Variants in SV2B observed in about 807,000 individuals in gnomAD.
The protein encoded by SV2B is synaptic vesicle glycoprotein 2B.
A neutral mutation model predicts 73.9 loss-of-function variants in SV2B; 41 were observed. The observed-to-expected ratio is 0.56, with a 90% confidence interval of 0.43 to 0.72. The LOEUF (loss-of-function observed/expected upper bound fraction) is 0.72, where lower values mean the gene tolerates loss of function less well. Among genes scored for constraint, SV2B ranks in the 30% least tolerant of loss-of-function variants. The pLI is 0.00. For synonymous variants in SV2B, 314 were observed against 314.2 expected (o/e 1.00, Z 0.01); for missense variants, 764 against 857.8 (o/e 0.89, Z 1.37).
chr15:91,210,505 T>A (rs1161963234), intron 1 of SV2B, among the ~76,000 whole-genome samples: 1 of 152,008 alleles, frequency 6.6e-6, no homozygotes, highest in African/African-American at 2.4e-5. Flanking sequence ...AATTGAGACA[T>A]AAAGAGGTGG....
In SV2B at chr15:91,224,510, T is replaced by C. The variant is rs1302066175; in HGVS notation, c.-391-1363T>C. Among the ~76,000 whole-genome samples, 1 of 152,180 alleles carries C rather than the reference T, an allele frequency of 6.6e-6. No homozygotes were observed. The highest frequency in any genetic ancestry group is 2.4e-5 in the African/African-American group (1 of 41,440). Reference sequence around the variant, plus strand: ...TGTGGGCAAATCTGGATTTCTGAGCTTGAAGCAGCCCTTCTTCATTACGCT... The same window carrying C: ...TGTGGGCAAATCTGGATTTCTGAGCCTGAAGCAGCCCTTCTTCATTACGCT... On this transcript the variant is annotated intron_variant, in intron 1 of 12. Transcript: ENST00000394232. The surrounding 1 kb of genome is among the most constrained non-coding windows in gnomAD (Gnocchi z 4.9).
Position 91,268,429 on chromosome 15 carries a change from T to G in SV2B, c.1209-12T>G. On this transcript the variant is annotated splice_polypyrimidine_tract_variant and intron_variant, in intron 8 of 12. Transcript: ENST00000394232. The surrounding 1 kb of genome is among the most constrained non-coding windows in gnomAD (Gnocchi z 4.4). ...CTGTTGTTGTTGCAACCTTCTGCCT[T>G]CTCCACTCCAGTTACTATGGACTGA... The G allele has an allele frequency of 1.9e-6, 3 of 1,606,672 alleles. No individual in the cohort carries two copies. The highest frequency in any genetic ancestry group is 2.6e-6 in the Non-Finnish European group (3 of 1,174,108).
intron 9 of SV2B, among the ~76,000 whole-genome samples, chr15:91,278,265 A>G (rs2048558781): frequency 6.6e-6 from 1 of 152,064 alleles, no homozygotes; most frequent in Non-Finnish European, 1.5e-5. Flanking sequence ...GATTTTTTTA[A>G]ATGCGGGCTT....
chr15:91,289,422 G>A lies in SV2B; in HGVS notation c.1709-99G>A. ...ACTTCAGGCAGCCTTGGCTTCAGGT[G>A]TACCAGTGAGGGTGGGAGATGGGGC... On this transcript the variant is annotated intron_variant, in intron 11 of 12. Coordinates refer to ENST00000394232, the MANE Select transcript of SV2B (RefSeq NM_001323032.3). The surrounding 1 kb of genome is among the most constrained non-coding windows in gnomAD (Gnocchi z 4.9). 1 of 1,483,652 alleles carries A rather than the reference G, an allele frequency of 6.7e-7. No homozygotes were observed. The highest frequency in any genetic ancestry group is 9.4e-7 in the Non-Finnish European group (1 of 1,065,672). 91.9% of individuals were successfully genotyped at this position (1,483,652 alleles called of 1,614,324 possible).
chr15:91,289,735 A>G lies in SV2B; in HGVS notation c.1868+55A>G, dbSNP rs1190973957. Reference sequence around the variant, plus strand: ...ACTTGTTTGGGCTTCTTTGGCCAGAAGTCTACCTGCTCCCTAAATCTCATG... The same window carrying G: ...ACTTGTTTGGGCTTCTTTGGCCAGAGGTCTACCTGCTCCCTAAATCTCATG... On this transcript the variant is annotated intron_variant, in intron 12 of 12. Coordinates refer to ENST00000394232, the MANE Select transcript of SV2B (RefSeq NM_001323032.3). The surrounding 1 kb of genome is among the most constrained non-coding windows in gnomAD (Gnocchi z 4.9). 1.0e-5 allele frequency: 16 copies of G among 1,566,068 alleles called. No individual in the cohort carries two copies. Among genetic ancestry groups the G allele is most frequent in the Non-Finnish European group, 1.3e-5 (15 of 1,152,238 alleles).
intron 4 of SV2B, among the ~76,000 whole-genome samples, chr15:91,254,825 C>G (rs2047623888): frequency 6.6e-6 from 1 of 152,172 alleles, no homozygotes; most frequent in African/African-American, 2.4e-5. Flanking sequence ...AGCTTCCCTC[C>G]TGGAAGCATT....
rs780360769 is a variant in SV2B, at chr15:91,253,432, T to C, written c.784+912T>C. Among the ~76,000 whole-genome samples, 15 of 152,202 alleles carry C rather than the reference T, an allele frequency of 9.9e-5. No individual in the cohort carries two copies. The highest frequency in any genetic ancestry group is 2.6e-4 in the Admixed American group (4 of 15,286). On this transcript the variant is annotated intron_variant, in intron 4 of 12. Coordinates refer to ENST00000394232, the MANE Select transcript of SV2B (RefSeq NM_001323032.3). This position sits in a 1 kb window ranked among gnomAD's most constrained non-coding sequence, Gnocchi z 5.0. ...GCTTTCTCAGCTAATGGAGGCTGCA[T>C]GTATATGTTTTTAAGAACAAGCTTT...
At chr15:91,221,774 T>C (rs1037821389) in intron 1 of SV2B, among the ~76,000 whole-genome samples, 1 of 152,092 alleles carries the variant, frequency 6.6e-6, no homozygotes, top group Non-Finnish European at 1.5e-5. Context: ...TTAGATTTTT[T>C]ATTAAAAACC....
intron 1 of SV2B, among the ~76,000 whole-genome samples, chr15:91,193,132 A>C (rs2045106872): frequency 6.6e-6 from 1 of 152,162 alleles, no homozygotes. Flanking sequence ...TTCCCGGTTC[A>C]GCTCTTGGAA....
In SV2B at chr15:91,224,283, A is replaced by G. The variant is rs1342790035; in HGVS notation, c.-391-1590A>G. 1.3e-5 allele frequency among the ~76,000 whole-genome samples: 2 copies of G among 152,158 alleles called. No individual in the cohort carries two copies. The highest frequency in any genetic ancestry group is 2.9e-5 in the Non-Finnish European group (2 of 68,022). ...GTGACAGGGAGGCCTGTAAAGGTTG[A>G]TGGGGTCTGTACTGTGGGCAGGTGG... On this transcript the variant is annotated intron_variant, in intron 1 of 12. Coordinates refer to ENST00000394232, the MANE Select transcript of SV2B (RefSeq NM_001323032.3). The surrounding 1 kb of genome is among the most constrained non-coding windows in gnomAD (Gnocchi z 4.9).
At chr15:91,216,283 G>A (rs2046022659) in intron 1 of SV2B, among the ~76,000 whole-genome samples, 1 of 152,072 alleles carries the variant, frequency 6.6e-6, no homozygotes, top group Non-Finnish European at 1.5e-5. Context: ...ATATTTTATG[G>A]TCAGAAAGTT....
At chr15:91,282,474 G>A (rs968583125) in intron 10 of SV2B, among the ~76,000 whole-genome samples, 1 of 152,146 alleles carries the variant, frequency 6.6e-6, no homozygotes, top group Non-Finnish European at 1.5e-5. Flanking sequence ...TGAAGTCGGG[G>A]TATAAGGAAA....
intron 1 of SV2B, among the ~76,000 whole-genome samples, chr15:91,213,308 T>C (rs1220747630): frequency 6.6e-6 from 1 of 152,308 alleles, no homozygotes; most frequent in Middle Eastern, 3.4e-3. Context: ...TCCAGTGAGA[T>C]ACCTATCTGG....
rs796983403 is a variant in SV2B, at chr15:91,223,866, T to TG, written c.-391-2005dup. On this transcript the variant is annotated intron_variant, in intron 1 of 12. Coordinates refer to ENST00000394232, the MANE Select transcript of SV2B (RefSeq NM_001323032.3). This position sits in a 1 kb window ranked among gnomAD's most constrained non-coding sequence, Gnocchi z 4.6. ...GGCACTGTTTCTCAAAGTGCAGTCC[T>TG]GGATTCCGTGTGTTATTTGTGGAAA... 8.5e-5 allele frequency among the ~76,000 whole-genome samples: 13 copies of TG among 152,366 alleles called. No individual in the cohort carries two copies. The highest frequency in any genetic ancestry group is 3.1e-4 in the African/African-American group (13 of 41,590).
rs1200342327 is a variant in SV2B at position 91,144,681 on chromosome 15, G to A, written c.-392+44318G>A. Among the ~76,000 whole-genome samples the A allele has an allele frequency of 2.6e-5, 4 of 152,170 alleles. No individual in the cohort carries two copies. The South Asian group carries it at 8.3e-4, about 32-fold the overall frequency. On this transcript the variant is annotated intron_variant, in intron 1 of 12. Transcript: ENST00000394232. ...ACCAAACCATTTGCATTTCAACAGC[G>A]GGACAGCTCTCAGAAGAGGACACGG...
chr15:91,219,913 T>C (rs1423793354), intron 1 of SV2B, among the ~76,000 whole-genome samples: 3 of 152,258 alleles, frequency 2.0e-5, no homozygotes, highest in Non-Finnish European at 4.4e-5. Context: ...CTTCTTTCAT[T>C]TGACGTAATG....
At chr15:91,183,988 A>G (rs751872923) in intron 1 of SV2B, among the ~76,000 whole-genome samples, 1 of 152,140 alleles carries the variant, frequency 6.6e-6, no homozygotes, top group Non-Finnish European at 1.5e-5. Context: ...CAGTATCATC[A>G]GGAGTTATTT....
Position 91,229,831 on chromosome 15 carries a change from T to C in SV2B, c.451+3117T>C, listed in dbSNP as rs1419905538. On this transcript the variant is annotated intron_variant, in intron 2 of 12. Coordinates refer to ENST00000394232, the MANE Select transcript of SV2B (RefSeq NM_001323032.3). The surrounding 1 kb of genome is among the most constrained non-coding windows in gnomAD (Gnocchi z 4.3). Reference sequence around the variant, plus strand: ...GACTGCAAATTTCTTTCAGCCAATGTTTTTTATGGTAGACTTCTAAGGTCA... The same window carrying C: ...GACTGCAAATTTCTTTCAGCCAATGCTTTTTATGGTAGACTTCTAAGGTCA... 6.6e-6 allele frequency among the ~76,000 whole-genome samples: 1 copy of C among 152,202 alleles called. No individual in the cohort carries two copies.
chr15:91,180,940 C>G (rs1236104231), intron 1 of SV2B, among the ~76,000 whole-genome samples: 1 of 152,240 alleles, frequency 6.6e-6, no homozygotes, highest in Non-Finnish European at 1.5e-5. Flanking sequence ...TGGTGAGGAA[C>G]TGCGTTCCTT....
Sources: gnomAD v4.1 joint callset for allele counts (sites outside exome capture counted in the v4.1 genomes callset) on GRCh38, gnomAD v4.1.1 for gene constraint, Gnocchi (gnomAD v3.1) non-coding constraint, MANE v1.5 for transcripts, NCBI Gene and HGNC (gene_info 2026-07-23, HGNC 2026-07-21) for gene names.